EYS: variants seen among roughly 807,000 people sequenced by gnomAD.
The protein encoded by EYS is EGF-like photoreceptor maintenance factor.
EYS carries 250 observed loss-of-function variants against 282.1 expected under a neutral mutation model. The observed-to-expected ratio is 0.89, with a 90% CI of 0.80 to 0.98. The LOEUF (loss-of-function observed/expected upper bound fraction) is 0.98. Ranked by LOEUF, EYS falls within the 50% of genes least tolerant of loss-of-function variation. EYS has a pLI of 0.00. For synonymous variants in EYS, 1,355 were observed against 1,282.9 expected, an observed-to-expected ratio of 1.06 and a Z score of -1.20; for missense variants, 4,016 against 3,709.0, an observed-to-expected ratio of 1.08 and a Z score of -2.15.
chr6:64,515,815 C>G (rs1224216761), intron 26 of EYS, among the ~76,000 whole-genome samples: 1 of 151,466 alleles, frequency 6.6e-6, no homozygotes, highest in Non-Finnish European at 1.5e-5. Context: ...AAAACCTTAA[C>G]TCTGGCTGTA....
intron 12 of EYS, among the ~76,000 whole-genome samples, chr6:65,127,992 A>T (rs907573216): frequency 3.9e-5 from 6 of 152,028 alleles, no homozygotes; most frequent in Non-Finnish European, 8.8e-5. Context: ...AATAACTTAC[A>T]TGATGAAAGA....
At chr6:64,547,200 C>A (rs1013843604) in intron 26 of EYS, among the ~76,000 whole-genome samples, 2 of 152,034 alleles carry the variant, frequency 1.3e-5, no homozygotes, top group African/African-American at 4.8e-5. Flanking sequence ...AGTGAAAGAA[C>A]AAAGCTTCCA....
intron 12 of EYS, among the ~76,000 whole-genome samples, chr6:65,170,055 T>A (rs1433171382): frequency 1.3e-5 from 2 of 151,568 alleles, no homozygotes; most frequent in Admixed American, 1.3e-4. Context: ...TGTGATAAGG[T>A]AATGATGGTG....
intron 34 of EYS, among the ~76,000 whole-genome samples, chr6:63,998,746 A>T (rs548241051): frequency 6.6e-6 from 1 of 151,900 alleles, no homozygotes; most frequent in African/African-American, 2.4e-5. Flanking sequence ...ACAAGTTTTT[A>T]AAAAATTGTC....
chr6:64,818,975 C>A (rs1764820922), intron 21 of EYS, among the ~76,000 whole-genome samples: 1 of 152,170 alleles, frequency 6.6e-6, no homozygotes, highest in Non-Finnish European at 1.5e-5. Context: ...CTAACATAAA[C>A]TATATTATTT....
At chr6:65,491,740 C>T (rs1254718197) in intron 4 of EYS, among the ~76,000 whole-genome samples, 1 of 152,020 alleles carries the variant, frequency 6.6e-6, no homozygotes, top group Non-Finnish European at 1.5e-5. Context: ...CTAAATTGTG[C>T]CCACCCACCG....
At chr6:64,729,819 C>T (rs1436299258) in intron 22 of EYS, among the ~76,000 whole-genome samples, 1 of 151,986 alleles carries the variant, frequency 6.6e-6, no homozygotes, top group Non-Finnish European at 1.5e-5. Context: ...AGCATTTCAT[C>T]AATACACAAG....
chr6:63,999,120 T>G lies in EYS; in HGVS notation c.6789A>C (p.Lys2263Asn), dbSNP rs1582105033. 1 of 1,551,482 alleles carries G rather than the reference T, an allele frequency of 6.4e-7. No individual in the cohort carries two copies. The highest frequency in any genetic ancestry group is 8.7e-7 in the Non-Finnish European group (1 of 1,146,898). ...VCMIEMTADG[K>N]PPVQKKDTEI... ...CTGTGTCTTTCTTCTGTACTGGAGGTTTTCCATCTGCAGTCATTTCAATCA... is the reference window on the plus strand; with the variant it reads ...CTGTGTCTTTCTTCTGTACTGGAGGGTTTCCATCTGCAGTCATTTCAATCA... Residue 2263 changes from lysine to asparagine, a missense_variant, in exon 34 of 43, where the codon AAA (lysine) becomes AAC (asparagine). By Grantham distance (94) the Lys-to-Asn change is moderately conservative. Coordinates refer to ENST00000503581, the MANE Select transcript of EYS (RefSeq NM_001142800.2).
At chr6:65,415,761 AG>A (rs1457999287) in intron 5 of EYS, among the ~76,000 whole-genome samples, 1 of 152,086 alleles carries the variant, frequency 6.6e-6, no homozygotes, top group Non-Finnish European at 1.5e-5. Context: ...GTCTAATGAA[AG>A]GGGTGGAAGT....
intron 22 of EYS, among the ~76,000 whole-genome samples, chr6:64,656,629 AACCGTAAAAAACAC>A (rs1224540717): frequency 6.6e-6 from 1 of 152,310 alleles, no homozygotes; most frequent in East Asian, 1.9e-4. Flanking sequence ...AACTCTGATC[AACCGTAAAAAACAC>A]ACACTTCAGA....
intron 33 of EYS, among the ~76,000 whole-genome samples, chr6:64,009,063 A>G (rs909056954): frequency 3.3e-5 from 5 of 152,234 alleles, no homozygotes; most frequent in Middle Eastern, 3.4e-3. Context: ...AATGTTTTCC[A>G]TGTTGCTTGC....
chr6:64,283,082 C>G (rs1768366338), intron 30 of EYS, among the ~76,000 whole-genome samples: 2 of 152,152 alleles, frequency 1.3e-5, no homozygotes, highest in African/African-American at 4.8e-5. Flanking sequence ...TCTTCCATGT[C>G]CACTTCAGCT....
At chr6:64,656,733 G>A (rs1337704988) in intron 22 of EYS, among the ~76,000 whole-genome samples, 1 of 152,106 alleles carries the variant, frequency 6.6e-6, no homozygotes, top group African/African-American at 2.4e-5. Flanking sequence ...GCTGCATCCT[G>A]GATTGGGAGG....
intron 13 of EYS, among the ~76,000 whole-genome samples, chr6:65,039,034 A>C (rs1336175072): frequency 6.6e-6 from 1 of 151,426 alleles, no homozygotes; most frequent in African/African-American, 2.4e-5. Context: ...GGTTAGTCTA[A>C]ATTATCATTT....
intron 41 of EYS, among the ~76,000 whole-genome samples, chr6:63,742,210 C>T (rs1769093118): frequency 6.6e-6 from 1 of 152,154 alleles, no homozygotes; most frequent in Non-Finnish European, 1.5e-5. Flanking sequence ...CCTCTTGAGA[C>T]AACTTACCTT....
At chr6:65,620,642 G>A (rs1178070077) in intron 2 of EYS, among the ~76,000 whole-genome samples, 1 of 150,444 alleles carries the variant, frequency 6.6e-6, no homozygotes, top group Non-Finnish European at 1.5e-5. Context: ...TAATTGTGAT[G>A]TTAGGGTGTC....
At chr6:64,713,872 G>T (rs1247693928) in intron 22 of EYS, among the ~76,000 whole-genome samples, 2 of 152,258 alleles carry the variant, frequency 1.3e-5, no homozygotes, top group South Asian at 2.1e-4. Flanking sequence ...CTTTGGCAAA[G>T]CTCCATGAAA....
Position 64,822,686 on chromosome 6 carries a change from G to A in EYS, c.3129C>T (p.Ala1043=), listed in dbSNP as rs911291244. 2.3e-5 allele frequency: 35 copies of A among 1,545,102 alleles called. No homozygotes were observed. The African/African-American group carries it at 4.7e-4, about 21-fold the overall frequency. ...GACAAGGATTTGAAAGGCAATCATT[G>A]GCGTTTGTTTCACAGTGTGTTCCAA... ...GFFGTHCETN[A]NDCLSNPCLH... The change falls in exon 20 of 43, where the codon GCC becomes GCT. Residue 1043 remains alanine, a synonymous_variant. Transcript: ENST00000503581.
chr6:64,442,591 T>C (rs1167556052), intron 26 of EYS, among the ~76,000 whole-genome samples: 1 of 152,054 alleles, frequency 6.6e-6, no homozygotes, highest in African/African-American at 2.4e-5. Context: ...AAATGTGATT[T>C]TGTGGGCCAG....
Sources: allele counts gnomAD v4.1 joint callset (sites outside exome capture counted in the v4.1 genomes callset), GRCh38; gene constraint gnomAD v4.1.1; transcripts MANE v1.5; gene names NCBI Gene and HGNC (gene_info 2026-07-23, HGNC 2026-07-21).